The following LYST variants were observed in gnomAD, a reference collection of about 807,000 sequenced individuals.
LYST encodes the protein lysosomal-trafficking regulator.
A neutral mutation model predicts 413.6 loss-of-function variants in LYST; 192 were observed. The observed-to-expected ratio is 0.46, with a 90% CI of 0.41 to 0.52. The LOEUF (loss-of-function observed/expected upper bound fraction) is 0.52. Ranked by LOEUF, LYST falls within the 20% of genes least tolerant of loss-of-function variation. The pLI, the probability that LYST is intolerant of heterozygous loss-of-function variation, is 0.00. For synonymous variants in LYST, 1,525 were observed against 1,567.3 expected (o/e 0.97, Z 0.64); for missense variants, 3,815 against 4,499.9 (o/e 0.85, Z 4.35).
At chr1:235,723,999 T>C in intron 39 of LYST, 29 bp downstream of exon 39, 2 of 1,591,890 alleles carry the variant, frequency 1.3e-6, no homozygotes, top group South Asian at 2.2e-5. Flanking sequence ...ACTTAAACAA[T>C]ATATATCAAT....
chr1:235,665,060 C>T (rs1208451212), intron 50 of LYST, among the ~76,000 whole-genome samples: 2 of 152,078 alleles, frequency 1.3e-5, no homozygotes, highest in East Asian at 3.9e-4. Flanking sequence ...TCCCAAAGTG[C>T]TGGGATTACA....
At chr1:235,799,221 G>A (rs998993502) in intron 10 of LYST, among the ~76,000 whole-genome samples, 2 of 152,060 alleles carry the variant, frequency 1.3e-5, no homozygotes, top group African/African-American at 2.4e-5. Flanking sequence ...ATCACTATTT[G>A]GCAGATACCA....
intron 44 of LYST, among the ~76,000 whole-genome samples, chr1:235,704,646 A>C (rs1257462289): frequency 6.6e-6 from 1 of 152,072 alleles, no homozygotes; most frequent in Non-Finnish European, 1.5e-5. Context: ...TAGATGCTGG[A>C]TATTACACCT....
chr1:235,689,858 T>C (rs1280857918), intron 47 of LYST, among the ~76,000 whole-genome samples: 1 of 152,244 alleles, frequency 6.6e-6, no homozygotes, highest in Non-Finnish European at 1.5e-5. Context: ...TTATTCAAGC[T>C]TTGGATCTGC....
At chr1:235,877,887 C>T (rs989596024) in intron 1 of LYST, among the ~76,000 whole-genome samples, 1 of 142,010 alleles carries the variant, frequency 7.0e-6, no homozygotes, top group Non-Finnish European at 1.5e-5. Flanking sequence ...CTAAAACACA[C>T]ATTGATATTG....
intron 1 of LYST, among the ~76,000 whole-genome samples, chr1:235,881,726 T>C (rs1402891756): frequency 6.6e-6 from 1 of 152,184 alleles, no homozygotes; most frequent in Non-Finnish European, 1.5e-5. Context: ...TGCTACAACA[T>C]GGATGAATCT....
At chr1:235,817,594 C>G (rs1246801295) in intron 3 of LYST, among the ~76,000 whole-genome samples, 1 of 152,150 alleles carries the variant, frequency 6.6e-6, no homozygotes, top group Non-Finnish European at 1.5e-5. Context: ...GGTCATTATC[C>G]TAGGTGAACT....
At chr1:235,685,855 C>CAA (rs533623866) in intron 48 of LYST, among the ~76,000 whole-genome samples, 9 of 128,454 alleles carry the variant, frequency 7.0e-5, no homozygotes, top group Non-Finnish European at 1.2e-4. Context: ...TAAAACAAAA[C>CAA]AAAAAAAAAA....
chr1:235,818,019 ACAT>A (rs1284756787), intron 3 of LYST, among the ~76,000 whole-genome samples: 3 of 152,108 alleles, frequency 2.0e-5, no homozygotes, highest in Admixed American at 2.0e-4. Flanking sequence ...ATTTATACAC[ACAT>A]GTCAATTTTG....
At chr1:235,825,596 G>C (rs1675240465) in intron 3 of LYST, among the ~76,000 whole-genome samples, 1 of 152,036 alleles carries the variant, frequency 6.6e-6, no homozygotes, top group South Asian at 2.1e-4. Flanking sequence ...CATCAAAAAG[G>C]AATAAAATAT....
intron 2 of LYST, among the ~76,000 whole-genome samples, chr1:235,832,073 AACGTC>A (rs1215774719): frequency 9.2e-5 from 14 of 152,208 alleles, no homozygotes; most frequent in African/African-American, 3.4e-4. Context: ...CAAAGCTACT[AACGTC>A]ATTCTATAAA....
At chr1:235,786,145 T>C (rs1670387103) in intron 14 of LYST, among the ~76,000 whole-genome samples, 1 of 152,212 alleles carries the variant, frequency 6.6e-6, no homozygotes, top group Non-Finnish European at 1.5e-5. Flanking sequence ...TTCTGTTCTT[T>C]GATATATAGT....
intron 19 of LYST, 39 bp downstream of exon 19, chr1:235,773,803 A>G (rs765092002): frequency 3.1e-5 from 48 of 1,564,410 alleles, no homozygotes; most frequent in Non-Finnish European, 4.2e-5. Flanking sequence ...TATGCATTTT[A>G]CCACAATAAA....
rs1442889531 is a variant in LYST at position 235,759,529 on chromosome 1, T to A, written c.6324A>T (p.Ala2108=). ...GCGTTAGTAGTGAAGAAGTAGGGAATGCTGGTAGGCTTCTAGAACGCAGCA... is the reference window on the plus strand; with the variant it reads ...GCGTTAGTAGTGAAGAAGTAGGGAAAGCTGGTAGGCTTCTAGAACGCAGCA... ...AHMLRSRSLP[A]FPTSSLLTQS... is the part of the protein sequence containing the mutation. The change falls in exon 23 of 53, where the codon GCA becomes GCT. Residue 2108 remains alanine, a synonymous_variant. Coordinates refer to ENST00000389793, the MANE Select transcript of LYST (RefSeq NM_000081.4). 9.9e-6 allele frequency: 16 copies of A among 1,613,840 alleles called. No homozygotes were observed. Among genetic ancestry groups the A allele is most frequent in the Non-Finnish European group, 1.3e-5 (15 of 1,179,858 alleles).
At chr1:235,723,209 G>A (rs1237612764) in intron 39 of LYST, among the ~76,000 whole-genome samples, 1 of 152,226 alleles carries the variant, frequency 6.6e-6, no homozygotes, top group East Asian at 1.9e-4. Flanking sequence ...GGGAAGATTA[G>A]AAGTTCAGTT....
intron 26 of LYST, 91 bp downstream of exon 26, chr1:235,752,953 T>C (rs1666651348): frequency 2.8e-6 from 2 of 713,784 alleles, no homozygotes; most frequent in Admixed American, 2.2e-5. Context: ...CTTACATAGG[T>C]AAACTCATGT....
chr1:235,805,690 G>GTA (rs1356737812), intron 6 of LYST, 53 bp downstream of exon 6: 3 of 969,612 alleles, frequency 3.1e-6, no homozygotes, highest in African/African-American at 1.6e-5. Flanking sequence ...ATGTGTGTGT[G>GTA]TATATATATG....
intron 1 of LYST, among the ~76,000 whole-genome samples, chr1:235,846,070 C>G (rs1677822552): frequency 6.6e-6 from 1 of 152,076 alleles, no homozygotes; most frequent in South Asian, 2.1e-4. Context: ...CCAACCAGTA[C>G]AAAAATAGAG....
At chr1:235,752,973 AACT>A in intron 26 of LYST, 68 bp downstream of exon 26, 1 of 831,676 alleles carries the variant, frequency 1.2e-6, no homozygotes, top group Non-Finnish European at 2.0e-6. Context: ...TAGTAAAGTA[AACT>A]AATACTAAAG....
Sources: allele counts gnomAD v4.1 joint callset (sites outside exome capture counted in the v4.1 genomes callset), GRCh38; gene constraint gnomAD v4.1.1; transcripts MANE v1.5; gene names NCBI Gene and HGNC (gene_info 2026-07-23, HGNC 2026-07-21).